The following RAF1 variants were observed in gnomAD, a reference collection of about 807,000 sequenced individuals.
The protein encoded by RAF1 is Raf-1 proto-oncogene, serine/threonine kinase.
RAF1 carries 27 observed loss-of-function variants against 81.1 expected under a neutral mutation model. The ratio of observed to expected loss-of-function variants is 0.33; its 90% CI spans 0.25 to 0.46. The LOEUF is 0.46. Among genes scored for constraint, RAF1 ranks in the 20% least tolerant of loss-of-function variants. The pLI, the probability that RAF1 is intolerant of heterozygous loss-of-function variation, is 1.00. For missense variants in RAF1, 598 were observed against 826.0 expected, an observed-to-expected ratio of 0.72 and a Z score of 3.38; for synonymous variants, 298 against 294.0, an observed-to-expected ratio of 1.01 and a Z score of -0.14.
At position 12,591,760 on chromosome 3, in the gene RAF1, C is replaced by T. The variant is rs559632360; in HGVS notation, c.1201G>A (p.Asp401Asn). 1.5e-4 allele frequency: 249 copies of T among 1,614,126 alleles called. 4 individuals are homozygous for T. In the South Asian group the frequency reaches 2.5e-3, roughly 16 times the overall value. ...GCCTGGAATTGCTCTGGGGTTGGGTCGACAACCTTTAGGATCTTTACTGCA... is the reference window on the plus strand; with the variant it reads ...GCCTGGAATTGCTCTGGGGTTGGGTTGACAACCTTTAGGATCTTTACTGCA... Residue 401 changes from aspartate (D) to asparagine (N), a missense_variant, in exon 12 of 18, where the codon GAC becomes AAC. By Grantham distance (23) the Asp-to-Asn change is conservative (BLOSUM62 1). This residue lies in a region of RAF1 where 85 missense variants were observed against 185.6 expected (regional missense o/e 0.46). Transcript: ENST00000442415.
At position 12,590,976 on chromosome 3, in the gene RAF1, T is replaced by TGGGGA. The variant is rs2058496555; in HGVS notation, c.1254-7_1254-3dup. 6.2e-7 allele frequency: 1 copy of TGGGGA among 1,606,982 alleles called. No homozygotes were observed. The highest frequency in any genetic ancestry group is 8.5e-7 in the Non-Finnish European group (1 of 1,174,514). Reference sequence around the variant, plus strand: ...AGAATGTTCACATGCCGTGTTTTGCTGGGGAGGGGAGGGGAAGAGAGGAGA... The same window carrying TGGGGA: ...AGAATGTTCACATGCCGTGTTTTGCTGGGGAGGGGAGGGGAGGGGAAGAGAGGAGA... On this transcript the variant is annotated splice_polypyrimidine_tract_variant and splice_region_variant and intron_variant, in intron 12 of 17. Transcript: ENST00000442415.
intron 8 of RAF1, among the ~76,000 whole-genome samples, chr3:12,601,629 A>G (rs938071328): frequency 2.6e-5 from 4 of 152,256 alleles, no homozygotes; most frequent in South Asian, 4.1e-4. Context: ...AACTATTACT[A>G]GAATGCTCCC....
In RAF1 at chr3:12,641,496, T is replaced by TG. The variant is rs530207513; in HGVS notation, c.-27+22316_-27+22317insC. On this transcript the variant is annotated intron_variant, in intron 1 of 17. Coordinates refer to ENST00000442415, the MANE Select transcript of RAF1 (RefSeq NM_001354689.3). ...CAAAAAAAAATGTTTTTTGGTTTTTTTTTTTTTTTTTTTGAAACAGGGTCT... is the reference window on the plus strand; with the variant it reads ...CAAAAAAAAATGTTTTTTGGTTTTTTGTTTTTTTTTTTTTGAAACAGGGTCT... 6.1e-3 allele frequency among the ~76,000 whole-genome samples: 916 copies of TG among 150,628 alleles called. 7 individuals are homozygous for TG. The highest frequency in any genetic ancestry group is 0.021 in the African/African-American group (871 of 41,094).
At chr3:12,592,000 CCT>C in intron 11 of RAF1, 1 of 599,090 alleles carries the variant, frequency 1.7e-6, no homozygotes, top group South Asian at 1.9e-5. Flanking sequence ...GCAGCCTTGA[CCT>C]CCAGGGCTTA....
intron 2 of RAF1, among the ~76,000 whole-genome samples, chr3:12,614,909 C>T (rs1231146093): frequency 6.6e-6 from 1 of 152,160 alleles, no homozygotes; most frequent in Non-Finnish European, 1.5e-5. Context: ...TGACCTGCAT[C>T]AAATACTGTA....
chr3:12,587,454 T>C, intron 14 of RAF1, 137 bp downstream of exon 13: 1 of 881,302 alleles, frequency 1.1e-6, no homozygotes. Flanking sequence ...TTCTGACTTT[T>C]CTGTTTTCCT....
chr3:12,609,551 G>A (rs886500060), intron 3 of RAF1, among the ~76,000 whole-genome samples: 1 of 152,056 alleles, frequency 6.6e-6, no homozygotes, highest in African/African-American at 2.4e-5. Context: ...ATTTGCTCAA[G>A]GCCACACAGC....
In RAF1 at chr3:12,618,751, G is replaced by A; in HGVS notation, c.-26-4C>T. Reference sequence around the variant, plus strand: ...GCAGCTTAAACAATTCTTAAACCTGGTAAGAAACACAAATAATTGTAACTC... The same window carrying A: ...GCAGCTTAAACAATTCTTAAACCTGATAAGAAACACAAATAATTGTAACTC... On this transcript the variant is annotated splice_polypyrimidine_tract_variant and splice_region_variant and intron_variant, in intron 1 of 17. Coordinates refer to ENST00000442415, the MANE Select transcript of RAF1 (RefSeq NM_001354689.3). The A allele has an allele frequency of 1.9e-6, 3 of 1,599,032 alleles. No homozygotes were observed. The highest frequency in any genetic ancestry group is 2.6e-6 in the Non-Finnish European group (3 of 1,167,190).
At chr3:12,650,955 C>T (rs916785412) in intron 1 of RAF1, among the ~76,000 whole-genome samples, 12 of 152,114 alleles carry the variant, frequency 7.9e-5, no homozygotes, top group East Asian at 3.8e-4. Flanking sequence ...AACAGACTAA[C>T]GCAGAGGTAA....
chr3:12,627,570 A>G lies in RAF1; in HGVS notation c.-26-8823T>C, dbSNP rs2059741769. The stretch of plus-strand genomic sequence containing the variant: ...GTAGTCACCTACTCTATATCTATCA[A>G]TCATGAATTTATATAAACTTCTCTA... On this transcript the variant is annotated intron_variant, in intron 1 of 17. Coordinates refer to ENST00000442415, the MANE Select transcript of RAF1 (RefSeq NM_001354689.3). Among the ~76,000 whole-genome samples, 3 of 152,220 alleles carry G rather than the reference A, an allele frequency of 2.0e-5. No individual in the cohort carries two copies. The South Asian group carries it at 6.2e-4, about 31-fold the overall frequency.
chr3:12,653,607 TG>T (rs1187460747), intron 1 of RAF1, among the ~76,000 whole-genome samples: 1 of 151,980 alleles, frequency 6.6e-6, no homozygotes, highest in Non-Finnish European at 1.5e-5. Flanking sequence ...TAGCCGGTTG[TG>T]GTAGCGAGTG....
rs1209251182 is a variant in RAF1 at position 12,584,188 on chromosome 3, A to C, written c.*326T>G. Reference sequence around the variant, plus strand: ...GCTACCTTACTTCCTCTAAATACTCATGTAGCCAACAGCTGGGGCTGGGCC... The same window carrying C: ...GCTACCTTACTTCCTCTAAATACTCCTGTAGCCAACAGCTGGGGCTGGGCC... On this transcript the variant is annotated 3_prime_UTR_variant, in exon 18 of 18. Coordinates refer to ENST00000442415, the MANE Select transcript of RAF1 (RefSeq NM_001354689.3). 2 of 437,642 alleles carry C rather than the reference A, an allele frequency of 4.6e-6. No homozygotes were observed. The highest frequency in any genetic ancestry group is 4.9e-5 in the South Asian group (2 of 41,182). 27.1% of individuals were successfully genotyped at this position (437,642 alleles called of 1,614,324 possible).
At chr3:12,619,330 G>A (rs543372181) in intron 1 of RAF1, among the ~76,000 whole-genome samples, 2 of 152,196 alleles carry the variant, frequency 1.3e-5, no homozygotes, top group South Asian at 4.1e-4. Flanking sequence ...TTGGGAGGCC[G>A]AGGCCAGCGC....
At chr3:12,609,632 CTCTTTATTT>C (rs1420833492) in intron 3 of RAF1, among the ~76,000 whole-genome samples, 2 of 152,116 alleles carry the variant, frequency 1.3e-5, no homozygotes, top group Non-Finnish European at 2.9e-5. Context: ...ATAAAGTTTT[CTCTTTATTT>C]ACTTAAAAAA....
At chr3:12,590,709 T>G (rs1224279233) in intron 13 of RAF1, 89 bp downstream of exon 12, 1 of 1,401,082 alleles carries the variant, frequency 7.1e-7, no homozygotes, top group Non-Finnish European at 1.0e-6. Context: ...AATCGCTTAA[T>G]GGACTAGAAG....
chr3:12,658,196 T>A (rs2060761530), intron 1 of RAF1, among the ~76,000 whole-genome samples: 1 of 152,240 alleles, frequency 6.6e-6, no homozygotes, highest in South Asian at 2.1e-4. Flanking sequence ...CTGTATACAC[T>A]ATGTTTTTTC....
chr3:12,598,659 G>C (rs1280357105), intron 11 of RAF1, among the ~76,000 whole-genome samples: 1 of 145,354 alleles, frequency 6.9e-6, no homozygotes, highest in African/African-American at 2.6e-5. Flanking sequence ...CCAAGAGTTG[G>C]AGGCTGCAGT....
intron 8 of RAF1, 107 bp from the exon 8 acceptor site, chr3:12,600,522 C>T: frequency 8.2e-7 from 1 of 1,226,034 alleles, no homozygotes; most frequent in South Asian, 1.3e-5. Context: ...ATTATAAAAA[C>T]CTCTAAAAAC....
intron 1 of RAF1, among the ~76,000 whole-genome samples, chr3:12,621,366 T>A (rs1054827662): frequency 6.6e-6 from 1 of 152,162 alleles, no homozygotes; most frequent in Non-Finnish European, 1.5e-5. Context: ...AATCCAAACC[T>A]TGTTTTCAAC....
Sources: allele counts gnomAD v4.1 joint callset (sites outside exome capture counted in the v4.1 genomes callset), GRCh38; gene constraint gnomAD v4.1.1; regional missense constraint gnomAD v4.1.1; transcripts MANE v1.5; gene names NCBI Gene and HGNC (gene_info 2026-07-23, HGNC 2026-07-21).